RHBDD1: variants seen among roughly 807,000 people sequenced by gnomAD.
The protein encoded by RHBDD1 is rhomboid domain containing 1.
A neutral mutation model predicts 36.3 loss-of-function variants in RHBDD1; 38 were observed. That is an observed-to-expected ratio of 1.05 (90% CI 0.81 to 1.37). The LOEUF is 1.37. Among genes scored for constraint, RHBDD1 ranks in the 40% most tolerant of loss-of-function variants. The probability of loss-of-function intolerance (pLI) is 0.00; values close to 1 mark genes in which losing one functional copy is unlikely to be tolerated. For missense variants in RHBDD1, 393 were observed against 377.6 expected (o/e 1.04, Z -0.34); for synonymous variants, 151 against 136.5 (o/e 1.11, Z -0.74).
At chr2:226,948,768 A>T (rs1951207471) in intron 8 of RHBDD1, among the ~76,000 whole-genome samples, 1 of 152,126 alleles carries the variant, frequency 6.6e-6, no homozygotes, top group South Asian at 2.1e-4. Flanking sequence ...CTCCTGTTCA[A>T]CATAGTATTG....
chr2:226,884,052 A>G (rs1574948102), intron 5 of RHBDD1, among the ~76,000 whole-genome samples: 2 of 152,180 alleles, frequency 1.3e-5, no homozygotes, highest in Admixed American at 1.3e-4. Flanking sequence ...GGAGATAAAC[A>G]TTATACAATT....
At chr2:226,988,650 A>C (rs1470226768) in intron 8 of RHBDD1, 2 of 985,180 alleles carry the variant, frequency 2.0e-6, no homozygotes, top group Non-Finnish European at 1.2e-6. Context: ...TTCTGAGAGG[A>C]AGGTAGGATT....
At chr2:226,986,900 T>C (rs1220468628) in intron 8 of RHBDD1, among the ~76,000 whole-genome samples, 1 of 152,236 alleles carries the variant, frequency 6.6e-6, no homozygotes, top group East Asian at 1.9e-4. Flanking sequence ...TGTAGCACTA[T>C]TCATAATAGC....
intron 3 of RHBDD1, among the ~76,000 whole-genome samples, chr2:226,852,071 C>A (rs950715361): frequency 6.6e-6 from 1 of 152,190 alleles, no homozygotes; most frequent in Admixed American, 6.5e-5. Flanking sequence ...TGAAATTGAT[C>A]TCGCCTTTCT....
intron 8 of RHBDD1, among the ~76,000 whole-genome samples, chr2:226,961,147 A>C (rs1279404185): frequency 6.6e-6 from 1 of 152,198 alleles, no homozygotes; most frequent in Non-Finnish European, 1.5e-5. Context: ...TCAACATGGC[A>C]TGGGCTTTGC....
At chr2:226,936,791 T>C (rs570968091) in intron 8 of RHBDD1, among the ~76,000 whole-genome samples, 1 of 152,282 alleles carries the variant, frequency 6.6e-6, no homozygotes, top group African/African-American at 2.4e-5. Flanking sequence ...TACTGTAGGC[T>C]ATAGAAATGA....
chr2:226,841,866 C>T (rs958255884), intron 3 of RHBDD1, among the ~76,000 whole-genome samples: 2 of 152,158 alleles, frequency 1.3e-5, no homozygotes, highest in Non-Finnish European at 2.9e-5. Context: ...TTTGAGGAAT[C>T]GCCAGTCTGT....
chr2:226,878,692 G>A (rs1259063074), intron 5 of RHBDD1, among the ~76,000 whole-genome samples: 3 of 152,142 alleles, frequency 2.0e-5, no homozygotes, highest in African/African-American at 7.2e-5. Context: ...TGACATTATG[G>A]AGCAGAGACC....
rs540558788 is a variant in RHBDD1 at position 226,957,118 on chromosome 2, G to A, written c.857-38313G>A. On this transcript the variant is annotated intron_variant, in intron 8 of 8. Transcript: ENST00000392062. ...TACTGCCCATGGGGGCAGAAAGGTA[G>A]GATGAAATTCACCCCAGATTCCAGT... Among the ~76,000 whole-genome samples, 23 of 152,324 alleles carry A rather than the reference G, an allele frequency of 1.5e-4. No individual in the cohort carries two copies. The South Asian group carries it at 3.9e-3, about 26-fold the overall frequency.
chr2:226,909,405 T>A (rs970553647), intron 7 of RHBDD1, among the ~76,000 whole-genome samples: 1 of 152,196 alleles, frequency 6.6e-6, no homozygotes, highest in Admixed American at 6.5e-5. Flanking sequence ...TATTTTAGGC[T>A]AAAGCCTTTG....
At chr2:226,877,173 T>C (rs940913742) in intron 5 of RHBDD1, among the ~76,000 whole-genome samples, 4 of 152,204 alleles carry the variant, frequency 2.6e-5, no homozygotes, top group African/African-American at 9.7e-5. Flanking sequence ...CCTGAAACCA[T>C]ATCAGTGAAC....
chr2:226,857,031 C>A (rs544292108), intron 3 of RHBDD1, among the ~76,000 whole-genome samples: 2 of 152,040 alleles, frequency 1.3e-5, no homozygotes, highest in Admixed American at 1.3e-4. Flanking sequence ...GTGGTTTCAC[C>A]TTTTTTTCTG....
chr2:226,953,294 AC>A (rs1364599748), intron 8 of RHBDD1, among the ~76,000 whole-genome samples: 4 of 152,176 alleles, frequency 2.6e-5, no homozygotes, highest in Non-Finnish European at 5.9e-5. Context: ...TTATAACCCA[AC>A]GGTGTGGTTG....
intron 3 of RHBDD1, among the ~76,000 whole-genome samples, chr2:226,852,606 C>A (rs908693857): frequency 6.6e-6 from 1 of 152,132 alleles, no homozygotes; most frequent in African/African-American, 2.4e-5. Context: ...CACTTCCAGC[C>A]TGCAGAACTG....
At chr2:226,923,454 T>C (rs1949462540) in intron 8 of RHBDD1, among the ~76,000 whole-genome samples, 2 of 152,170 alleles carry the variant, frequency 1.3e-5, no homozygotes, top group African/African-American at 4.8e-5. Context: ...CCTTTCTTTT[T>C]CCTTGACTTT....
chr2:226,981,461 T>G (rs2149437607), intron 8 of RHBDD1, among the ~76,000 whole-genome samples: 1 of 151,706 alleles, frequency 6.6e-6, no homozygotes, highest in African/African-American at 2.4e-5. Flanking sequence ...ATGTTAGTTT[T>G]CAGTCACAGG....
At position 226,868,194 on chromosome 2, in the gene RHBDD1, G is replaced by C. The variant is rs186424732; in HGVS notation, c.566+876G>C. Among the ~76,000 whole-genome samples, 9 of 152,324 alleles carry C rather than the reference G, an allele frequency of 5.9e-5. No individual in the cohort carries two copies. The East Asian group carries it at 1.5e-3, about 26-fold the overall frequency. On this transcript the variant is annotated intron_variant, in intron 5 of 8. Coordinates refer to ENST00000392062, the MANE Select transcript of RHBDD1 (RefSeq NM_001167608.3). ...CCATGTTGCTGTGGCTTCCTCAGAG[G>C]AGGCACCTCCACAAAACCCTAGAGC...
chr2:226,946,035 ACT>A (rs1299443905), intron 8 of RHBDD1, among the ~76,000 whole-genome samples: 2 of 151,902 alleles, frequency 1.3e-5, no homozygotes, highest in African/African-American at 4.8e-5. Flanking sequence ...TTCCTCATAG[ACT>A]CTGGATATTA....
At chr2:226,834,509 T>C (rs1940821779), upstream of RHBDD1, among the ~76,000 whole-genome samples, 1 of 152,228 alleles carries the variant, frequency 6.6e-6, no homozygotes. Context: ...CACTTGAAAG[T>C]CATATGTACA....
Sources: allele counts gnomAD v4.1 joint callset (sites outside exome capture counted in the v4.1 genomes callset), GRCh38; gene constraint gnomAD v4.1.1; transcripts MANE v1.5; gene names NCBI Gene and HGNC (gene_info 2026-07-23, HGNC 2026-07-21).